Variants in CSMD3 observed in about 807,000 individuals in gnomAD.
CSMD3 encodes CUB and sushi domain-containing protein 3.
CSMD3 carries 177 observed loss-of-function variants against 435.2 expected under a neutral mutation model. That is an observed-to-expected ratio of 0.41 (90% CI 0.36 to 0.46). CSMD3 has a LOEUF of 0.46. Among genes scored for constraint, CSMD3 ranks in the 20% least tolerant of loss-of-function variants. CSMD3 has a pLI of 0.34. For synonymous variants in CSMD3, 1,656 were observed against 1,520.5 expected (o/e 1.09, Z -2.07); for missense variants, 4,265 against 4,504.6 (o/e 0.95, Z 1.52).
chr8:113,085,894 T>C (rs183455568), intron 5 of CSMD3, among the ~76,000 whole-genome samples: 1,544 of 152,264 alleles, frequency 0.01, 20 homozygotes, highest in Non-Finnish European at 0.012. Context: ...CAATAATTCA[T>C]TGTGTCTGTT....
rs1249919006 is a variant in CSMD3, at chr8:112,287,197, A to C, written c.9198T>G (p.Ser3066=). The C allele has an allele frequency of 6.2e-7, 1 of 1,613,670 alleles. No individual in the cohort carries two copies. Among genetic ancestry groups the C allele is most frequent in the Non-Finnish European group, 8.5e-7 (1 of 1,179,828 alleles). ...TAGTTCTGAAATTGCTTTCCTGTCT[A>C]GAGCCATGGCCGGGAGTACCTGGAT... ...CGDPGTPGHG[S]RQESNFRTKS... The change falls in exon 58 of 71, where the codon TCT becomes TCG. Residue 3066 remains serine, a synonymous_variant. Transcript: ENST00000297405.
intron 61 of CSMD3, among the ~76,000 whole-genome samples, chr8:112,262,544 AT>A (rs1816521341): frequency 6.6e-6 from 1 of 152,164 alleles, no homozygotes; most frequent in African/African-American, 2.4e-5. Context: ...GTTAAGGAGA[AT>A]AAATAAAGCC....
Position 112,247,007 on chromosome 8 carries a change from C to G in CSMD3, c.10222+13G>C, listed in dbSNP as rs2130152791. On this transcript the variant is annotated intron_variant, in intron 64 of 70. Transcript: ENST00000297405. ...TACCCATGATAGCATTATTTCTTAT[C>G]CATAATACTTACGTATGCATTCAGG... 2 of 1,564,546 alleles carry G rather than the reference C, an allele frequency of 1.3e-6. No homozygotes were observed. Among genetic ancestry groups the G allele is most frequent in the Non-Finnish European group, 1.8e-6 (2 of 1,135,058 alleles).
At chr8:112,328,785 C>G (rs1823753712) in intron 45 of CSMD3, among the ~76,000 whole-genome samples, 1 of 152,158 alleles carries the variant, frequency 6.6e-6, no homozygotes, top group South Asian at 2.1e-4. Flanking sequence ...TACACACTCA[C>G]TGTCTCTCCT....
At chr8:113,319,539 T>C (rs1358356283) in intron 1 of CSMD3, among the ~76,000 whole-genome samples, 1 of 152,084 alleles carries the variant, frequency 6.6e-6, no homozygotes. Context: ...GTTTCCTTTA[T>C]TGTTCCTAAG....
chr8:112,494,413 TTCTTTCTTTCTC>T (rs1381349397), intron 30 of CSMD3, among the ~76,000 whole-genome samples: 4 of 151,704 alleles, frequency 2.6e-5, no homozygotes, highest in Non-Finnish European at 5.9e-5. Context: ...TTCTTTTCTT[TTCTTTCTTTCTC>T]TCTTTCTTTC....
intron 3 of CSMD3, among the ~76,000 whole-genome samples, chr8:113,174,216 T>C (rs975374762): frequency 1.3e-5 from 2 of 152,166 alleles, no homozygotes; most frequent in African/African-American, 2.4e-5. Context: ...CTGAGGATAA[T>C]ATCATTCACA....
chr8:113,130,471 G>A (rs1201858684), intron 4 of CSMD3, among the ~76,000 whole-genome samples: 2 of 152,098 alleles, frequency 1.3e-5, no homozygotes, highest in East Asian at 1.9e-4. Flanking sequence ...ACAGTAAGAC[G>A]TGCTTGCTTC....
chr8:112,382,100 G>C (rs376476764), intron 37 of CSMD3, among the ~76,000 whole-genome samples: 6 of 152,008 alleles, frequency 3.9e-5, no homozygotes, highest in African/African-American at 1.4e-4. Context: ...GCAACATAGC[G>C]AGACCTCAGC....
chr8:113,102,999 C>T (rs963433737), intron 4 of CSMD3, among the ~76,000 whole-genome samples: 1 of 152,136 alleles, frequency 6.6e-6, no homozygotes, highest in Non-Finnish European at 1.5e-5. Flanking sequence ...CACGCAAATT[C>T]TTGCATGCTT....
intron 3 of CSMD3, among the ~76,000 whole-genome samples, chr8:113,178,630 C>T (rs2092381017): frequency 6.6e-6 from 1 of 151,758 alleles, no homozygotes; most frequent in South Asian, 2.1e-4. Context: ...GAAAGGATTT[C>T]CTGATAAAGA....
At chr8:113,138,839 C>G (rs201525500) in intron 4 of CSMD3, among the ~76,000 whole-genome samples, 3 of 117,974 alleles carry the variant, frequency 2.5e-5, no homozygotes, top group African/African-American at 7.9e-5. Flanking sequence ...GTGTGTGTGT[C>G]TGTATATGTC....
At chr8:112,591,702 G>A (rs1247015610) in intron 22 of CSMD3, among the ~76,000 whole-genome samples, 3 of 151,980 alleles carry the variant, frequency 2.0e-5, no homozygotes, top group Non-Finnish European at 2.9e-5. Flanking sequence ...GCATTAAGCA[G>A]AAATATATTT....
chr8:113,200,881 T>C (rs1428454964), intron 3 of CSMD3, among the ~76,000 whole-genome samples: 2 of 151,900 alleles, frequency 1.3e-5, no homozygotes, highest in Non-Finnish European at 2.9e-5. Flanking sequence ...ATAGAGGTTA[T>C]AACTATTTGT....
chr8:112,263,928 T>C, intron 60 of CSMD3, 116 bp from the exon 61 acceptor site: 1 of 912,370 alleles, frequency 1.1e-6, no homozygotes, highest in East Asian at 2.6e-5. Flanking sequence ...TCGAGGACAA[T>C]ATGTTGTGAC....
intron 4 of CSMD3, among the ~76,000 whole-genome samples, chr8:113,168,621 A>G (rs2092209170): frequency 6.8e-6 from 1 of 147,902 alleles, no homozygotes; most frequent in Non-Finnish European, 1.5e-5. Context: ...CTTTGTTTTG[A>G]TTGAGTACAT....
At chr8:113,377,111 GC>G in intron 1 of CSMD3, 1 of 1,266,134 alleles carries the variant, frequency 7.9e-7, no homozygotes, top group Non-Finnish European at 1.0e-6. Context: ...AAGGGCTGCG[GC>G]GTCGTCCGGC....
At chr8:112,600,448 C>T (rs1461188233) in intron 22 of CSMD3, among the ~76,000 whole-genome samples, 3 of 151,916 alleles carry the variant, frequency 2.0e-5, no homozygotes, top group Non-Finnish European at 2.9e-5. Context: ...TTAACGCAAC[C>T]GATAAGAATG....
At chr8:112,419,426 T>C (rs926955252) in intron 32 of CSMD3, among the ~76,000 whole-genome samples, 2 of 152,212 alleles carry the variant, frequency 1.3e-5, no homozygotes, top group African/African-American at 4.8e-5. Flanking sequence ...GGAAATACAA[T>C]ATGTTATTAA....
Sources: gnomAD v4.1 joint callset for allele counts (sites outside exome capture counted in the v4.1 genomes callset) on GRCh38, gnomAD v4.1.1 for gene constraint, MANE v1.5 for transcripts, NCBI Gene and HGNC (gene_info 2026-07-23, HGNC 2026-07-21) for gene names.